The following FANCC variants were observed in gnomAD, a reference collection of about 807,000 sequenced individuals.
FANCC encodes Fanconi anemia group C protein.
Under a neutral mutation model 71.3 loss-of-function variants are expected in FANCC, and 55 were observed. The ratio of observed to expected loss-of-function variants is 0.77; its 90% CI spans 0.62 to 0.97. The LOEUF (loss-of-function observed/expected upper bound fraction) is 0.97. Ranked by LOEUF, FANCC falls within the 50% of genes least tolerant of loss-of-function variation. The probability of loss-of-function intolerance (pLI) is 0.00; values close to 1 mark genes in which losing one functional copy is unlikely to be tolerated. For synonymous variants in FANCC, 275 were observed against 244.9 expected (o/e 1.12, Z -1.15); for missense variants, 678 against 670.9 (o/e 1.01, Z -0.12).
rs1394935638 is a variant in FANCC, at chr9:95,252,306, GAAAC to G, written c.-78-2941_-78-2938del. 3.2e-4 allele frequency among the ~76,000 whole-genome samples: 39 copies of G among 123,798 alleles called. 1 individual carries two copies. The highest frequency in any genetic ancestry group is 2.8e-3 in the Admixed American group (35 of 12,320). 81.2% of individuals were successfully genotyped at this position (123,798 alleles called of 152,430 possible). On this transcript the variant is annotated intron_variant, in intron 1 of 14. Transcript: ENST00000289081. The stretch of plus-strand genomic sequence containing the variant: ...AAAAAAAAAAAAAAGAAAAAAAAAA[GAAAC>G]AAAGAAACTGAAGAAACTAACAAAC...
chr9:95,195,319 T>C (rs186105653), intron 4 of FANCC, among the ~76,000 whole-genome samples: 105 of 152,074 alleles, frequency 6.9e-4, no homozygotes, highest in African/African-American at 2.4e-3. Flanking sequence ...GAGTTAATTT[T>C]TGTATAAGTT....
chr9:95,269,132 T>C (rs1832577062), intron 1 of FANCC, among the ~76,000 whole-genome samples: 1 of 152,178 alleles, frequency 6.6e-6, no homozygotes, highest in Non-Finnish European at 1.5e-5. Flanking sequence ...TATTCTCCCA[T>C]TTTCACTTTA....
intron 4 of FANCC, among the ~76,000 whole-genome samples, chr9:95,207,042 A>G (rs1321958826): frequency 2.0e-5 from 3 of 152,170 alleles, no homozygotes; most frequent in African/African-American, 7.2e-5. Flanking sequence ...TCTTCTCTGT[A>G]GGAGCCAAGA....
At chr9:95,124,076 C>G (rs975192406) in intron 10 of FANCC, among the ~76,000 whole-genome samples, 1 of 130,454 alleles carries the variant, frequency 7.7e-6, no homozygotes, top group Non-Finnish European at 1.5e-5. Context: ...TGCACTCCAG[C>G]CTGGGTGACA....
intron 4 of FANCC, among the ~76,000 whole-genome samples, chr9:95,233,962 G>A (rs1035555826): frequency 2.6e-5 from 4 of 152,280 alleles, no homozygotes; most frequent in Admixed American, 2.0e-4. Flanking sequence ...GGAGCCCTCC[G>A]GTTCCCACTT....
chr9:95,198,432 A>G (rs1827589079), intron 4 of FANCC, among the ~76,000 whole-genome samples: 1 of 152,244 alleles, frequency 6.6e-6, no homozygotes, highest in African/African-American at 2.4e-5. Flanking sequence ...ACATAGAAAT[A>G]CAAAATATGT....
intron 14 of FANCC, among the ~76,000 whole-genome samples, chr9:95,104,611 C>T (rs1280346539): frequency 6.6e-6 from 1 of 152,194 alleles, no homozygotes; most frequent in African/African-American, 2.4e-5. Flanking sequence ...TGAATGTGGA[C>T]TGAAAGTTTC....
intron 4 of FANCC, among the ~76,000 whole-genome samples, chr9:95,188,004 T>C (rs949292337): frequency 4.6e-5 from 7 of 152,318 alleles, no homozygotes; most frequent in Admixed American, 3.9e-4. Flanking sequence ...AGTGTCTTCA[T>C]GTAAATCGCC....
intron 4 of FANCC, among the ~76,000 whole-genome samples, chr9:95,234,243 GA>G (rs1464424069): frequency 1.3e-5 from 2 of 152,152 alleles, no homozygotes; most frequent in Admixed American, 1.3e-4. Flanking sequence ...AAGATTATCT[GA>G]AAAAATAAAT....
At chr9:95,129,415 C>T (rs976725386) in intron 8 of FANCC, among the ~76,000 whole-genome samples, 4 of 151,970 alleles carry the variant, frequency 2.6e-5, no homozygotes, top group East Asian at 1.9e-4. Context: ...CTTTGGAAGC[C>T]GTATCTTCCC....
At chr9:95,199,065 T>TC (rs1184982619) in intron 4 of FANCC, among the ~76,000 whole-genome samples, 1 of 152,146 alleles carries the variant, frequency 6.6e-6, no homozygotes, top group African/African-American at 2.4e-5. Context: ...ATATATGAAT[T>TC]TTTTTTGAAA....
chr9:95,307,916 G>T (rs752460188), intron 1 of FANCC, among the ~76,000 whole-genome samples: 2 of 152,232 alleles, frequency 1.3e-5, no homozygotes, highest in Non-Finnish European at 2.9e-5. Flanking sequence ...AGTTCTGGAG[G>T]CTGGGAAGTC....
intron 4 of FANCC, among the ~76,000 whole-genome samples, chr9:95,234,606 C>T (rs1316282644): frequency 2.0e-5 from 3 of 152,190 alleles, no homozygotes; most frequent in African/African-American, 4.8e-5. Flanking sequence ...TTAATGATGA[C>T]AGTGTGGAAC....
chr9:95,150,044 G>C lies in FANCC; in HGVS notation c.565C>G (p.Pro189Ala), dbSNP rs377620735. 4.3e-6 allele frequency: 7 copies of C among 1,613,956 alleles called. No homozygotes were observed. The African/African-American group carries it at 9.3e-5, about 22-fold the overall frequency. ...RVASLSRVCVPLITLTDVDPL... is the reference protein window; with the variant it reads ...RVASLSRVCVALITLTDVDPL... ...TCAACATCTGTCAGGGTAATAAGTG[G>C]GACACAAACTCGTGACAGGGACGCC... The change falls in exon 7 of 15, where the codon CCA becomes GCA. Residue 189 changes from proline to alanine, a missense_variant. Coordinates refer to ENST00000289081, the MANE Select transcript of FANCC (RefSeq NM_000136.3).
intron 4 of FANCC, among the ~76,000 whole-genome samples, chr9:95,178,165 T>C (rs1236207328): frequency 6.6e-6 from 1 of 152,082 alleles, no homozygotes; most frequent in Non-Finnish European, 1.5e-5. Flanking sequence ...TCTAGTCTCT[T>C]CTGTAGTGAA....
chr9:95,229,352 A>G (rs1257461938), intron 4 of FANCC, among the ~76,000 whole-genome samples: 1 of 151,956 alleles, frequency 6.6e-6, no homozygotes, highest in Non-Finnish European at 1.5e-5. Context: ...GAGCACACAC[A>G]AAGATACTGC....
At chr9:95,135,125 A>G (rs1362897137) in intron 8 of FANCC, among the ~76,000 whole-genome samples, 1 of 152,248 alleles carries the variant, frequency 6.6e-6, no homozygotes, top group Non-Finnish European at 1.5e-5. Context: ...GATATACGGC[A>G]TATCAATCAA....
intron 5 of FANCC, among the ~76,000 whole-genome samples, chr9:95,171,551 G>T (rs962145399): frequency 2.0e-5 from 3 of 151,684 alleles, no homozygotes; most frequent in Non-Finnish European, 4.4e-5. Context: ...TTTTAGAAGA[G>T]TTACATCAAG....
At chr9:95,299,763 A>G (rs1161369656) in intron 1 of FANCC, among the ~76,000 whole-genome samples, 4 of 152,152 alleles carry the variant, frequency 2.6e-5, no homozygotes, top group Non-Finnish European at 5.9e-5. Context: ...CGGGAGGCTG[A>G]GGTGGGAGAA....
Sources: gnomAD v4.1 joint callset for allele counts (sites outside exome capture counted in the v4.1 genomes callset) on GRCh38, gnomAD v4.1.1 for gene constraint, MANE v1.5 for transcripts, NCBI Gene and HGNC (gene_info 2026-07-23, HGNC 2026-07-21) for gene names.